CSF1R: variants seen among roughly 807,000 people sequenced by gnomAD.
The protein encoded by CSF1R is colony stimulating factor 1 receptor, also known as macrophage colony-stimulating factor 1 receptor.
CSF1R carries 40 observed loss-of-function variants against 110.0 expected under a neutral mutation model. That is an observed-to-expected ratio of 0.36 (90% CI 0.28 to 0.47). The LOEUF (loss-of-function observed/expected upper bound fraction) is 0.47, where lower values mean the gene tolerates loss of function less well. CSF1R is among the 20% of genes least tolerant of loss of function. The probability of loss-of-function intolerance (pLI) is 0.99; values close to 1 mark genes in which losing one functional copy is unlikely to be tolerated. For missense variants in CSF1R, 1,052 were observed against 1,253.0 expected, an observed-to-expected ratio of 0.84 and a Z score of 2.42; for synonymous variants, 523 against 503.4, an observed-to-expected ratio of 1.04 and a Z score of -0.52.
At chr5:150,076,503 T>TG (rs2113822118) in intron 5 of CSF1R, among the ~76,000 whole-genome samples, 2 of 152,316 alleles carry the variant, frequency 1.3e-5, no homozygotes, top group East Asian at 3.9e-4. Flanking sequence ...AACACTGCCC[T>TG]GGAGTGTGTG....
At chr5:150,055,121 T>TA in intron 19 of CSF1R, 116 bp downstream of exon 19, 1 of 871,186 alleles carries the variant, frequency 1.1e-6, no homozygotes, top group South Asian at 1.5e-5. Context: ...ATGGGAGAGA[T>TA]AAAGTCTGAC....
chr5:150,099,003 C>T (rs1001781161), intron 1 of CSF1R, among the ~76,000 whole-genome samples: 1 of 150,592 alleles, frequency 6.6e-6, no homozygotes, highest in Non-Finnish European at 1.5e-5. Flanking sequence ...AAGCGATTCT[C>T]CTGCCTCAAC....
intron 19 of CSF1R, 130 bp from the exon 20 acceptor site, chr5:150,054,560 A>G (rs1402804053): frequency 1.0e-5 from 7 of 682,512 alleles, no homozygotes; most frequent in Admixed American, 3.2e-5. Flanking sequence ...TATAAAACCT[A>G]TGCCAAGTCC....
At chr5:150,061,960 A>T in intron 10 of CSF1R, 111 bp from the exon 11 acceptor site, 1 of 1,490,960 alleles carries the variant, frequency 6.7e-7, no homozygotes, top group South Asian at 1.2e-5. Flanking sequence ...GCCCAGTGGG[A>T]GAAGGCAGGG....
At chr5:150,082,650 G>A (rs1248127202) in intron 1 of CSF1R, among the ~76,000 whole-genome samples, 1 of 152,200 alleles carries the variant, frequency 6.6e-6, no homozygotes, top group Non-Finnish European at 1.5e-5. Flanking sequence ...CTTGGAGTGT[G>A]GGCTCACACC....
intron 1 of CSF1R, among the ~76,000 whole-genome samples, chr5:150,082,091 TCTC>T (rs775480981): frequency 2.0e-5 from 3 of 152,100 alleles, no homozygotes; most frequent in Admixed American, 6.5e-5. Flanking sequence ...TCCTAGCCAC[TCTC>T]CTCTCTCCAG....
chr5:150,065,931 T>C (rs779242457), intron 10 of CSF1R, among the ~76,000 whole-genome samples: 7 of 152,094 alleles, frequency 4.6e-5, no homozygotes, highest in Non-Finnish European at 1.0e-4. Context: ...CTCTGGAATC[T>C]CTGCATGACT....
At chr5:150,100,737 G>A (rs765124391) in intron 1 of CSF1R, among the ~76,000 whole-genome samples, 3 of 151,918 alleles carry the variant, frequency 2.0e-5, no homozygotes, top group African/African-American at 4.8e-5. Flanking sequence ...GCAGGCATAC[G>A]TGCAATAGAA....
At chr5:150,091,553 C>A (rs1049132933), upstream of CSF1R, among the ~76,000 whole-genome samples, 1 of 152,228 alleles carries the variant, frequency 6.6e-6, no homozygotes. Context: ...ACATCCAGAA[C>A]AGGTAAACCT....
At chr5:150,107,591 C>A (rs529550227) in intron 1 of CSF1R, among the ~76,000 whole-genome samples, 5 of 152,236 alleles carry the variant, frequency 3.3e-5, no homozygotes, top group Non-Finnish European at 5.9e-5. Context: ...AGCTAAGTGG[C>A]AGAGCTGGGT....
intron 9 of CSF1R, among the ~76,000 whole-genome samples, chr5:150,068,732 C>G (rs1395163356): frequency 6.6e-5 from 10 of 152,204 alleles, no homozygotes. Flanking sequence ...CACACTGCAA[C>G]CTTCCTCTCC....
intron 1 of CSF1R, among the ~76,000 whole-genome samples, chr5:150,083,758 C>A (rs1353506954): frequency 6.6e-6 from 1 of 152,118 alleles, no homozygotes. Flanking sequence ...AAGCAGATAG[C>A]GACAGATAAA....
rs532732546 is a variant in CSF1R at position 150,107,109 on chromosome 5, GAATA to G, written c.-181+6148_-181+6151del. 2.2e-3 allele frequency among the ~76,000 whole-genome samples: 340 copies of G among 152,312 alleles called. 2 individuals carry two copies. The highest frequency in any genetic ancestry group is 7.8e-3 in the African/African-American group (325 of 41,556). ...TGTATAAACAATCCAATGAATGAAT[GAATA>G]AATGAAGAGCAAGGAGAAGCTCTCC... On this transcript the variant is annotated intron_variant, in intron 1 of 21. Coordinates refer to the CSF1R transcript ENST00000286301.
At chr5:150,107,792 T>C (rs532238738) in intron 1 of CSF1R, among the ~76,000 whole-genome samples, 4 of 152,360 alleles carry the variant, frequency 2.6e-5, no homozygotes, top group South Asian at 4.1e-4. Flanking sequence ...TTCTTCATTA[T>C]GTAAAATGGG....
At chr5:150,084,444 AAGGAAGGAAGG>A (rs1758735042) in intron 1 of CSF1R, among the ~76,000 whole-genome samples, 1 of 79,688 alleles carries the variant, frequency 1.3e-5, no homozygotes, top group African/African-American at 7.0e-5. Flanking sequence ...GGAAGGAAGG[AAGGAAGGAAGG>A]AAGAAAGAAA....
At position 150,080,774 on chromosome 5, in the gene CSF1R, A is replaced by G. The variant is rs1758501196; in HGVS notation, c.300T>C (p.Tyr100=). 1.9e-6 allele frequency: 3 copies of G among 1,613,956 alleles called. No individual in the cohort carries two copies. The highest frequency in any genetic ancestry group is 2.2e-5 in the South Asian group (2 of 91,066). ...PLGGSAAIHL[Y]VKDPARPWNV... ...GAGGCTCAGACTCCTCACCTTTGAC[A>G]TAGAGGTGGATGGCGGCGCTGCCTC... is the stretch of plus-strand genomic sequence containing the variant. The change falls in exon 2 of 21, where the codon TAT becomes TAC. Residue 100 remains tyrosine (Y), a synonymous_variant. Coordinates refer to ENST00000675795, the MANE Select transcript of CSF1R (RefSeq NM_001288705.3).
At chr5:150,061,460 AT>A in intron 12 of CSF1R, 30 bp downstream of exon 12, 13 of 299,560 alleles carry the variant, frequency 4.3e-5, no homozygotes, top group Non-Finnish European at 6.5e-5. Context: ...ACCACCCCCC[AT>A]CCCTTCCCTC....
rs1757543197 is a variant in CSF1R, at chr5:150,061,797, C to T, written c.1679G>A (p.Ser560Asn). 2 of 1,614,250 alleles carry T rather than the reference C, an allele frequency of 1.2e-6. No individual in the cohort carries two copies. The highest frequency in any genetic ancestry group is 2.2e-5 in the East Asian group (1 of 44,888). The change falls in exon 11 of 21, where the codon AGT becomes AAT. Residue 560 changes from serine (S) to asparagine (N), a missense_variant. Physicochemically the swap from Ser to Asn is conservative, Grantham distance 46. Around this residue, in one of 5 missense-constraint regions of CSF1R, gnomAD observed 693 missense variants for 735.4 expected, o/e 0.94. Coordinates refer to ENST00000675795, the MANE Select transcript of CSF1R (RefSeq NM_001288705.3). ...CTGCGTGGGGTCGATGAAAGTATAACTGTTGCCCTCATAGCTCTCGATGAT... is the reference window on the plus strand; with the variant it reads ...CTGCGTGGGGTCGATGAAAGTATAATTGTTGCCCTCATAGCTCTCGATGAT... Reference protein sequence around the residue: ...WKIIESYEGNSYTFIDPTQLP... With the variant: ...WKIIESYEGNNYTFIDPTQLP...
intron 16 of CSF1R, among the ~76,000 whole-genome samples, chr5:150,056,665 G>C (rs1178887563): frequency 1.3e-5 from 2 of 152,146 alleles, no homozygotes; most frequent in South Asian, 4.1e-4. Context: ...AAACCCTACC[G>C]TTACTTCTGA....
Sources: gnomAD v4.1 joint callset for allele counts (sites outside exome capture counted in the v4.1 genomes callset) on GRCh38, gnomAD v4.1.1 for gene constraint, gnomAD v4.1.1 regional missense constraint, MANE v1.5 for transcripts, NCBI Gene and HGNC (gene_info 2026-07-23, HGNC 2026-07-21) for gene names.